Variants in CNKSR2 observed in about 807,000 individuals in gnomAD.
The protein encoded by CNKSR2 is connector enhancer of kinase suppressor of Ras 2.
In CNKSR2, 14 loss-of-function variants were observed where a neutral mutation model predicts 84.4. That is an observed-to-expected ratio of 0.17 (90% confidence interval 0.11 to 0.26). The LOEUF is 0.26. Ranked by LOEUF, CNKSR2 falls within the 10% of genes least tolerant of loss-of-function variation. The probability of loss-of-function intolerance (pLI) is 1.00; values close to 1 mark genes in which losing one functional copy is unlikely to be tolerated. For missense variants in CNKSR2, 485 were observed against 771.2 expected, an observed-to-expected ratio of 0.63 and a Z score of 4.40; for synonymous variants, 275 against 277.9, an observed-to-expected ratio of 0.99 and a Z score of 0.10.
chrX:21,414,200 G>T (rs1321795846), intron 1 of CNKSR2, among the ~76,000 whole-genome samples: 1 of 110,978 alleles, frequency 9.0e-6, no homozygotes, highest in Non-Finnish European at 1.9e-5. Context: ...GTATACGAGG[G>T]TTGCCTTTTC....
intron 1 of CNKSR2, among the ~76,000 whole-genome samples, chrX:21,417,475 C>G (rs1033723760): frequency 1.8e-5 from 2 of 111,358 alleles, no homozygotes; most frequent in African/African-American, 6.5e-5. Context: ...TGGTTAATTT[C>G]TGTCTGGAAT....
intron 1 of CNKSR2, among the ~76,000 whole-genome samples, chrX:21,400,084 T>C (rs1465770517): frequency 9.0e-6 from 1 of 111,018 alleles, no homozygotes; most frequent in African/African-American, 3.3e-5. Flanking sequence ...GCAAAGATCA[T>C]AGTAGAAGCT....
chrX:21,511,204 T>G, intron 8 of CNKSR2, among the ~76,000 whole-genome samples: 1 of 111,520 alleles, frequency 9.0e-6, no homozygotes, highest in East Asian at 2.8e-4. Flanking sequence ...GTATTCAAGA[T>G]AGAAATGTTT....
chrX:21,584,320 G>T (rs1312379429), intron 13 of CNKSR2, among the ~76,000 whole-genome samples: 1 of 112,169 alleles, frequency 8.9e-6, no homozygotes, highest in Non-Finnish European at 1.9e-5. Flanking sequence ...TGTATTCTTT[G>T]CTGATGGTTT....
chrX:21,613,461 C>T (rs369122401), intron 20 of CNKSR2, among the ~76,000 whole-genome samples: 2 of 111,766 alleles, frequency 1.8e-5, no homozygotes, highest in East Asian at 5.6e-4. Flanking sequence ...AGATTACCTA[C>T]CAGTATTCTC....
At chrX:21,410,078 C>A (rs1431656772) in intron 1 of CNKSR2, among the ~76,000 whole-genome samples, 2 of 106,649 alleles carry the variant, frequency 1.9e-5, no homozygotes, top group Non-Finnish European at 3.9e-5. Context: ...AACCAATTAT[C>A]ATTATTGTCC....
At chrX:21,606,706 A>G in intron 18 of CNKSR2, 73 bp from the exon 19 acceptor site, 1 of 630,005 alleles carries the variant, frequency 1.6e-6, no homozygotes, top group Non-Finnish European at 2.5e-6. Context: ...TTTAAATGAT[A>G]GTTTATGTTC....
Position 21,396,763 on chromosome X carries a change from G to A in CNKSR2, c.64+21802G>A, listed in dbSNP as rs2090127609. On this transcript the variant is annotated intron_variant, in intron 1 of 21. Coordinates refer to ENST00000379510, the MANE Select transcript of CNKSR2 (RefSeq NM_014927.5). The stretch of plus-strand genomic sequence containing the variant: ...ATGTTACTTGTAAGCATCTGAGCTC[G>A]GAGAGGTTAAATGACTTCTCTAAAT... 3.6e-5 allele frequency among the ~76,000 whole-genome samples: 4 copies of A among 111,514 alleles called. 1 individual carries two copies. Among genetic ancestry groups the A allele is most frequent in the South Asian group, 7.6e-4 (2 of 2,647 alleles).
chrX:21,563,453 G>T lies in CNKSR2; in HGVS notation c.1608+1G>T, dbSNP rs1311080956. 1 of 1,183,412 alleles carries T rather than the reference G, an allele frequency of 8.5e-7. No individual in the cohort carries two copies. The highest frequency in any genetic ancestry group is 2.2e-5 in the Admixed American group (1 of 44,868). ...TGTGCCAGAGACCACACTATACCAT[G>T]TAAGTAAAATTTCAAAGACTCTTCA... is the stretch of plus-strand genomic sequence containing the variant. On this transcript the variant is annotated splice_donor_variant, in intron 13 of 21. Transcript: ENST00000379510. LOFTEE classifies it high-confidence loss of function.
At chrX:21,491,765 A>AT (rs746949320) in intron 6 of CNKSR2, 17 of 111,795 alleles carry the variant, frequency 1.5e-4, no homozygotes, top group Non-Finnish European at 1.1e-4. Flanking sequence ...ATAATCTAAA[A>AT]TTTTTTTATT....
At chrX:21,387,611 C>T (rs767780129) in intron 1 of CNKSR2, among the ~76,000 whole-genome samples, 2 of 111,991 alleles carry the variant, frequency 1.8e-5, no homozygotes, top group South Asian at 7.5e-4. Context: ...TCATAAATGT[C>T]AAACACTTTT....
chrX:21,529,919 T>C (rs1242244125), intron 10 of CNKSR2, among the ~76,000 whole-genome samples: 1 of 111,053 alleles, frequency 9.0e-6, no homozygotes, highest in Admixed American at 9.6e-5. Context: ...AAATATAGTA[T>C]GTGTATTAAT....
chrX:21,644,793 G>A (rs2092702009), intron 20 of CNKSR2: 1 of 111,773 alleles, frequency 8.9e-6, no homozygotes, highest in Admixed American at 9.6e-5. Flanking sequence ...ATTTCTTTCT[G>A]TGTATGTTTT....
intron 20 of CNKSR2, among the ~76,000 whole-genome samples, chrX:21,631,063 C>T (rs1243140493): frequency 1.8e-5 from 2 of 110,773 alleles, no homozygotes; most frequent in Non-Finnish European, 3.8e-5. Context: ...GGCCCAGTGG[C>T]TCATACCCAG....
At chrX:21,546,075 T>G (rs2092022596) in intron 11 of CNKSR2, among the ~76,000 whole-genome samples, 1 of 110,559 alleles carries the variant, frequency 9.0e-6, no homozygotes, top group African/African-American at 3.3e-5. Context: ...AAAATGAGTT[T>G]GACAAGTTGA....
intron 1 of CNKSR2, among the ~76,000 whole-genome samples, chrX:21,396,057 T>G (rs1288234211): frequency 9.0e-6 from 1 of 111,309 alleles, no homozygotes; most frequent in African/African-American, 3.3e-5. Context: ...CCTTTTTCTA[T>G]ATTCTTTCAC....
chrX:21,514,869 C>G (rs2091711111), intron 8 of CNKSR2, among the ~76,000 whole-genome samples: 1 of 110,730 alleles, frequency 9.0e-6, no homozygotes, highest in Non-Finnish European at 1.9e-5. Flanking sequence ...AAAATGAACC[C>G]TTGGATTTGA....
At chrX:21,502,151 A>T (rs1431705214) in intron 8 of CNKSR2, among the ~76,000 whole-genome samples, 1 of 102,453 alleles carries the variant, frequency 9.8e-6, no homozygotes, top group Non-Finnish European at 2.0e-5. Flanking sequence ...TTCTTGCCCT[A>T]TGAACCTCAC....
chrX:21,606,339 G>T (rs1217110082), intron 18 of CNKSR2, among the ~76,000 whole-genome samples: 1 of 111,538 alleles, frequency 9.0e-6, no homozygotes, highest in Non-Finnish European at 1.9e-5. Context: ...TATTTTTAGA[G>T]TTGTTTATAT....
Sources: allele counts gnomAD v4.1 joint callset (sites outside exome capture counted in the v4.1 genomes callset), GRCh38; gene constraint gnomAD v4.1.1; transcripts MANE v1.5; gene names NCBI Gene and HGNC (gene_info 2026-07-23, HGNC 2026-07-21).